Variants in PRKG1 observed in about 807,000 individuals in gnomAD.
PRKG1 encodes the protein cGMP-dependent protein kinase 1.
Under a neutral mutation model 88.1 loss-of-function variants are expected in PRKG1, and 35 were observed. The ratio of observed to expected loss-of-function variants is 0.40; its 90% CI spans 0.30 to 0.53. The LOEUF is 0.53. Ranked by LOEUF, PRKG1 falls within the 20% of genes least tolerant of loss-of-function variation. PRKG1 has a pLI of 0.59. For synonymous variants in PRKG1, 303 were observed against 292.5 expected (o/e 1.04, Z -0.37); for missense variants, 540 against 839.8 (o/e 0.64, Z 4.41).
At chr10:51,862,535 C>T (rs1160770164) in intron 4 of PRKG1, among the ~76,000 whole-genome samples, 1 of 152,076 alleles carries the variant, frequency 6.6e-6, no homozygotes, top group Non-Finnish European at 1.5e-5. Context: ...AAACAGGTAG[C>T]CCCATGTGTG....
At chr10:51,305,035 C>G (rs1365799679) in intron 2 of PRKG1, among the ~76,000 whole-genome samples, 1 of 152,088 alleles carries the variant, frequency 6.6e-6, no homozygotes, top group Non-Finnish European at 1.5e-5. Flanking sequence ...CATTCAGCAG[C>G]TCTGATCAAC....
chr10:51,544,196 C>G (rs1589062747), intron 3 of PRKG1, among the ~76,000 whole-genome samples: 1 of 36,266 alleles, frequency 2.8e-5, no homozygotes, highest in East Asian at 6.0e-3. Flanking sequence ...AATGCTATCC[C>G]TCCCCCCTCC....
At chr10:52,029,158 T>G (rs1049442336) in intron 5 of PRKG1, among the ~76,000 whole-genome samples, 1 of 152,238 alleles carries the variant, frequency 6.6e-6, no homozygotes, top group African/African-American at 2.4e-5. Context: ...CTCTTTGCTA[T>G]TCCTCGGTGA....
At chr10:51,869,987 C>G (rs927762343) in intron 4 of PRKG1, among the ~76,000 whole-genome samples, 5 of 152,126 alleles carry the variant, frequency 3.3e-5, no homozygotes, top group African/African-American at 1.2e-4. Flanking sequence ...AAGAAAATCA[C>G]AGCAACGTGA....
Position 51,151,130 on chromosome 10 carries a change from CAA to C in PRKG1, c.312-2019_312-2018del, listed in dbSNP as rs56202198. 3.3e-3 allele frequency among the ~76,000 whole-genome samples: 390 copies of C among 119,826 alleles called. 2 individuals are homozygous for C. Among genetic ancestry groups the C allele is most frequent in the South Asian group, 5.7e-3 (21 of 3,708 alleles). The allele number at this position is 119,826 out of a possible 152,430, so 78.6% of individuals were successfully genotyped here. On this transcript the variant is annotated intron_variant, in intron 1 of 17. Transcript: ENST00000373980. ...CCCATCAAATGGCCTCACTCTCTGA[CAA>C]AAAAAAAAAAAAAAGAAAAGAAATT...
chr10:52,084,344 C>A (rs893376297), intron 7 of PRKG1, among the ~76,000 whole-genome samples: 5 of 151,988 alleles, frequency 3.3e-5, no homozygotes, highest in African/African-American at 1.2e-4. Context: ...TATCTTTATT[C>A]ATTCACTTCC....
chr10:51,807,171 G>A (rs115530628), intron 4 of PRKG1, among the ~76,000 whole-genome samples: 4,143 of 152,200 alleles, frequency 0.027, 76 homozygotes, highest in African/African-American at 0.04. Flanking sequence ...TTGTAGATAG[G>A]CACTTTATAG....
chr10:51,781,994 G>T (rs559500569), intron 3 of PRKG1, among the ~76,000 whole-genome samples: 1 of 150,164 alleles, frequency 6.7e-6, no homozygotes, highest in Non-Finnish European at 1.5e-5. Context: ...AAAAAGTATC[G>T]AAATCTGAAG....
At chr10:51,571,933 A>C (rs541986219) in intron 3 of PRKG1, among the ~76,000 whole-genome samples, 17 of 151,752 alleles carry the variant, frequency 1.1e-4, no homozygotes, top group Non-Finnish European at 5.9e-5. Context: ...TATCTACCGG[A>C]AAGCATACGA....
At chr10:51,018,898 T>G (rs181190380) in intron 1 of PRKG1, among the ~76,000 whole-genome samples, 2 of 152,224 alleles carry the variant, frequency 1.3e-5, no homozygotes, top group Admixed American at 1.3e-4. Flanking sequence ...ATGCATTTAT[T>G]TGATTACTTA....
chr10:52,153,907 G>T lies in PRKG1; in HGVS notation c.1002-7982G>T, dbSNP rs144715480. On this transcript the variant is annotated intron_variant, in intron 8 of 17. Coordinates refer to ENST00000373980, the MANE Select transcript of PRKG1 (RefSeq NM_006258.4). Reference sequence around the variant, plus strand: ...ATTACAGGCATGGACTACCATGCCTGACTAATTTTGTATTTCTAGTAGAGA... The same window carrying T: ...ATTACAGGCATGGACTACCATGCCTTACTAATTTTGTATTTCTAGTAGAGA... Among the ~76,000 whole-genome samples, 8 of 152,082 alleles carry T rather than the reference G, an allele frequency of 5.3e-5. No individual in the cohort carries two copies. The East Asian group carries it at 1.6e-3, about 30-fold the overall frequency.
At chr10:51,255,220 G>A (rs1839526263) in intron 2 of PRKG1, among the ~76,000 whole-genome samples, 1 of 151,982 alleles carries the variant, frequency 6.6e-6, no homozygotes, top group African/African-American at 2.4e-5. Flanking sequence ...TGAAGAGCTG[G>A]GAATTACCTC....
At chr10:51,839,053 A>AT (rs1269322958) in intron 4 of PRKG1, among the ~76,000 whole-genome samples, 2 of 152,200 alleles carry the variant, frequency 1.3e-5, no homozygotes, top group African/African-American at 4.8e-5. Context: ...CAGAGTGTAA[A>AT]TAGGCTCTGC....
At chr10:51,438,128 G>A (rs1355654943) in intron 2 of PRKG1, among the ~76,000 whole-genome samples, 1 of 151,474 alleles carries the variant, frequency 6.6e-6, no homozygotes, top group Non-Finnish European at 1.5e-5. Context: ...ATGCATTAAT[G>A]TTTGGAAAGC....
At chr10:51,682,610 G>T (rs947186797) in intron 3 of PRKG1, among the ~76,000 whole-genome samples, 11 of 152,096 alleles carry the variant, frequency 7.2e-5, no homozygotes, top group Non-Finnish European at 1.3e-4. Flanking sequence ...ATAATAACTG[G>T]CACATATCAC....
chr10:51,752,958 T>A (rs1295894543), intron 3 of PRKG1, among the ~76,000 whole-genome samples: 1 of 152,150 alleles, frequency 6.6e-6, no homozygotes, highest in East Asian at 1.9e-4. Context: ...TATAACATGG[T>A]CATTATGTAT....
chr10:52,100,249 A>T (rs1260186398), intron 7 of PRKG1, among the ~76,000 whole-genome samples: 1 of 152,162 alleles, frequency 6.6e-6, no homozygotes, highest in Admixed American at 6.5e-5. Flanking sequence ...TTAATAATTG[A>T]TTTTGTTTTA....
intron 5 of PRKG1, among the ~76,000 whole-genome samples, chr10:52,015,798 A>G (rs1333239457): frequency 6.6e-6 from 1 of 152,194 alleles, no homozygotes; most frequent in Non-Finnish European, 1.5e-5. Flanking sequence ...CTTCTGCCAG[A>G]TACGCTAAAT....
At chr10:51,005,180 G>T (rs933498989) in intron 1 of PRKG1, among the ~76,000 whole-genome samples, 3 of 152,006 alleles carry the variant, frequency 2.0e-5, no homozygotes, top group African/African-American at 7.3e-5. Context: ...GGAGCCAAAA[G>T]GTAAAATCAT....
Sources: allele counts gnomAD v4.1 joint callset (sites outside exome capture counted in the v4.1 genomes callset), GRCh38; gene constraint gnomAD v4.1.1; transcripts MANE v1.5; gene names NCBI Gene and HGNC (gene_info 2026-07-23, HGNC 2026-07-21).